The following KCNH7 variants were observed in gnomAD, a reference collection of about 807,000 sequenced individuals.
KCNH7 encodes the protein voltage-gated inwardly rectifying potassium channel KCNH7.
A neutral mutation model predicts 120.8 loss-of-function variants in KCNH7; 49 were observed. The observed-to-expected ratio is 0.41, with a 90% confidence interval of 0.32 to 0.51. The LOEUF (loss-of-function observed/expected upper bound fraction) is 0.51. KCNH7 is among the 20% of genes least tolerant of loss of function. The probability of loss-of-function intolerance (pLI) is 0.38; values close to 1 mark genes in which losing one functional copy is unlikely to be tolerated. For missense variants in KCNH7, 1,097 were observed against 1,446.6 expected, an observed-to-expected ratio of 0.76 and a Z score of 3.92; for synonymous variants, 547 against 516.1, an observed-to-expected ratio of 1.06 and a Z score of -0.81.
chr2:162,621,415 T>G (rs973268474), intron 2 of KCNH7, among the ~76,000 whole-genome samples: 4 of 152,016 alleles, frequency 2.6e-5, no homozygotes, highest in Non-Finnish European at 4.4e-5. Flanking sequence ...CTCAACATTG[T>G]CACTCCCTGT....
chr2:162,816,040 C>A (rs536340748), intron 2 of KCNH7, among the ~76,000 whole-genome samples: 1 of 152,182 alleles, frequency 6.6e-6, no homozygotes, highest in East Asian at 1.9e-4. Context: ...GGGCAGATCA[C>A]CTGAGGTCGG....
chr2:162,522,089 C>T (rs536475972), intron 3 of KCNH7, among the ~76,000 whole-genome samples: 1 of 152,006 alleles, frequency 6.6e-6, no homozygotes, highest in East Asian at 2.0e-4. Flanking sequence ...ATCGTGACAA[C>T]TGTTTTGCAA....
chr2:162,630,186 A>G (rs995321137), intron 2 of KCNH7, among the ~76,000 whole-genome samples: 1 of 152,098 alleles, frequency 6.6e-6, no homozygotes, highest in East Asian at 1.9e-4. Context: ...TATATGTAAA[A>G]CTGAGTTAAG....
rs1690810874 is a variant in KCNH7, at chr2:162,504,715, A to C, written c.914-58T>G. The C allele has an allele frequency of 2.8e-6, 3 of 1,065,530 alleles. No homozygotes were observed. In the Admixed American group the frequency reaches 5.7e-5, roughly 20 times the overall value. 66.0% of individuals were successfully genotyped at this position (1,065,530 alleles called of 1,614,324 possible). On this transcript the variant is annotated intron_variant, in intron 5 of 15. Coordinates refer to ENST00000332142, the MANE Select transcript of KCNH7 (RefSeq NM_033272.4). Reference sequence around the variant, plus strand: ...ATAAGAAGATATAGAAGAAAGAGACAGTTCTGAATGCCCTGCTAATGATTC... The same window carrying C: ...ATAAGAAGATATAGAAGAAAGAGACCGTTCTGAATGCCCTGCTAATGATTC...
At chr2:162,573,494 G>A (rs1469557179) in intron 2 of KCNH7, among the ~76,000 whole-genome samples, 1 of 151,940 alleles carries the variant, frequency 6.6e-6, no homozygotes, top group African/African-American at 2.4e-5. Flanking sequence ...AAAATAGCAA[G>A]CTATGCAATT....
Position 162,682,344 on chromosome 2 carries a change from T to C in KCNH7, c.308-145264A>G, listed in dbSNP as rs188120969. ...AAGTTAGAACCATAAAGCCTTGCTG[T>C]TGATATCACCCACTTTCTACCAATT... On this transcript the variant is annotated intron_variant, in intron 2 of 15. Coordinates refer to ENST00000332142, the MANE Select transcript of KCNH7 (RefSeq NM_033272.4). 1.3e-4 allele frequency among the ~76,000 whole-genome samples: 20 copies of C among 151,876 alleles called. 1 individual carries two copies. The highest frequency in any genetic ancestry group is 7.9e-4 in the Admixed American group (12 of 15,176).
chr2:162,570,869 T>C (rs971265201), intron 2 of KCNH7, among the ~76,000 whole-genome samples: 2 of 152,056 alleles, frequency 1.3e-5, no homozygotes, highest in Admixed American at 1.3e-4. Flanking sequence ...AAACTCTCAA[T>C]AAATTAGGTA....
chr2:162,755,980 G>C (rs903747772), intron 2 of KCNH7, among the ~76,000 whole-genome samples: 17 of 152,086 alleles, frequency 1.1e-4, no homozygotes, highest in Admixed American at 9.2e-4. Context: ...ACTAAGTTAA[G>C]AGAAATAGAG....
intron 2 of KCNH7, among the ~76,000 whole-genome samples, chr2:162,624,990 G>A (rs981182628): frequency 2.2e-5 from 3 of 139,438 alleles, no homozygotes; most frequent in African/African-American, 8.0e-5. Flanking sequence ...CTCCACCTCC[G>A]AGGTTCAAGG....
chr2:162,750,306 A>G lies in KCNH7; in HGVS notation c.307+86231T>C, dbSNP rs114230328. Reference sequence around the variant, plus strand: ...GAGAAGGCCCTAGAACTTAACTTTTAATCTCACAGAGAAGAAAAAAATCAT... The same window carrying G: ...GAGAAGGCCCTAGAACTTAACTTTTGATCTCACAGAGAAGAAAAAAATCAT... On this transcript the variant is annotated intron_variant, in intron 2 of 15. Transcript: ENST00000332142. Among the ~76,000 whole-genome samples the G allele has an allele frequency of 2.2e-3, 338 of 152,200 alleles. 2 individuals carry two copies. The highest frequency in any genetic ancestry group is 7.7e-3 in the African/African-American group (318 of 41,506).
At chr2:162,550,770 A>G (rs1692642253) in intron 2 of KCNH7, among the ~76,000 whole-genome samples, 1 of 152,138 alleles carries the variant, frequency 6.6e-6, no homozygotes, top group Admixed American at 6.6e-5. Flanking sequence ...AAGAAAGTAA[A>G]TGGAATTTTG....
chr2:162,626,582 G>A (rs531394386), intron 2 of KCNH7, among the ~76,000 whole-genome samples: 4 of 152,164 alleles, frequency 2.6e-5, no homozygotes, highest in Non-Finnish European at 5.9e-5. Context: ...GATGAGTATT[G>A]GACGCTGTAA....
chr2:162,752,974 A>AAAAGAAAAG (rs1688641111), intron 2 of KCNH7, among the ~76,000 whole-genome samples: 6 of 119,238 alleles, frequency 5.0e-5, no homozygotes, highest in African/African-American at 2.9e-4. Flanking sequence ...AAAAGAAAAG[A>AAAAGAAAAG]AAAGAAAAGA....
chr2:162,590,443 TG>T (rs1694173847), intron 2 of KCNH7, among the ~76,000 whole-genome samples: 1 of 152,004 alleles, frequency 6.6e-6, no homozygotes, highest in South Asian at 2.1e-4. Context: ...AACAAAGGAA[TG>T]AGATTAAAGT....
intron 2 of KCNH7, among the ~76,000 whole-genome samples, chr2:162,805,901 A>G (rs1684523303): frequency 6.6e-6 from 1 of 152,184 alleles, no homozygotes; most frequent in Non-Finnish European, 1.5e-5. Context: ...CTACTCAGAC[A>G]TAAAAAAGGA....
At chr2:162,443,961 G>A (rs1218031397) in intron 7 of KCNH7, among the ~76,000 whole-genome samples, 1 of 152,098 alleles carries the variant, frequency 6.6e-6, no homozygotes, top group Non-Finnish European at 1.5e-5. Flanking sequence ...TTCCTTCTGT[G>A]TGAAATGCTC....
At chr2:162,520,742 C>T (rs1247967097) in intron 3 of KCNH7, among the ~76,000 whole-genome samples, 2 of 151,812 alleles carry the variant, frequency 1.3e-5, no homozygotes, top group Admixed American at 6.6e-5. Flanking sequence ...GCACTCCAGC[C>T]TAAGTGACAG....
At chr2:162,552,623 G>A (rs932849299) in intron 2 of KCNH7, among the ~76,000 whole-genome samples, 1 of 152,222 alleles carries the variant, frequency 6.6e-6, no homozygotes, top group Non-Finnish European at 1.5e-5. Flanking sequence ...TTATCCAGGT[G>A]TGCTTACTAG....
At chr2:162,784,317 ATGGGTTAAATAATT>A (rs1232190595) in intron 2 of KCNH7, among the ~76,000 whole-genome samples, 3 of 152,116 alleles carry the variant, frequency 2.0e-5, no homozygotes, top group Non-Finnish European at 4.4e-5. Flanking sequence ...GGAGGCTCCA[ATGGGTTAAATAATT>A]TGACCACTTC....
Sources: allele counts gnomAD v4.1 joint callset (sites outside exome capture counted in the v4.1 genomes callset), GRCh38; gene constraint gnomAD v4.1.1; transcripts MANE v1.5; gene names NCBI Gene and HGNC (gene_info 2026-07-23, HGNC 2026-07-21).